The following CDAN1 variants were observed in gnomAD, a reference collection of about 807,000 sequenced individuals.
The protein encoded by CDAN1 is codanin 1.
In CDAN1, 107 loss-of-function variants were observed where a neutral mutation model predicts 139.8. The observed-to-expected ratio is 0.77, with a 90% CI of 0.65 to 0.90. CDAN1 has a LOEUF of 0.90. Among genes scored for constraint, CDAN1 ranks in the 40% least tolerant of loss-of-function variants. The pLI, the probability that CDAN1 is intolerant of heterozygous loss-of-function variation, is 0.00. For missense variants in CDAN1, 1,667 were observed against 1,575.7 expected (o/e 1.06, Z -0.98); for synonymous variants, 776 against 660.6 (o/e 1.17, Z -2.68).
intron 17 of CDAN1, 32 bp from the exon 18 acceptor site, chr15:42,729,394 A>G: frequency 6.2e-7 from 1 of 1,613,894 alleles, no homozygotes. Context: ...TCTCAGTTCC[A>G]GAACCCTCTC....
Position 42,724,595 on chromosome 15 carries a change from T to C in CDAN1, c.3580A>G (p.Thr1194Ala). The change falls in exon 28 of 28, where the codon ACA (threonine) becomes GCA (alanine). Residue 1194 changes from threonine (T) to alanine (A), a missense_variant. Transcript: ENST00000356231. The part of the protein sequence containing the change: ...WPGDFAEELA[T>A]LSNLFLAEPH... ...TCGGCTAGAAACAGATTAGACAGTGTTGCTAATTCTTCAGCAAAGTCCTGG... is the reference window on the plus strand; with the variant it reads ...TCGGCTAGAAACAGATTAGACAGTGCTGCTAATTCTTCAGCAAAGTCCTGG... The C allele has an allele frequency of 6.4e-7, 1 of 1,552,188 alleles. No individual in the cohort carries two copies. The highest frequency in any genetic ancestry group is 8.7e-7 in the Non-Finnish European group (1 of 1,147,098).
At position 42,736,196 on chromosome 15, in the gene CDAN1, C is replaced by T. The variant is rs1331012429; in HGVS notation, c.569+106G>A. The T allele has an allele frequency of 2.5e-6, 4 of 1,579,508 alleles. No individual in the cohort carries two copies. The Admixed American group carries it at 7.4e-5, about 29-fold the overall frequency. Reference sequence around the variant, plus strand: ...CCACAAAAACCCTCACCATCACCCCCAGCCTTCTACCCATCCTGGCGCTCC... The same window carrying T: ...CCACAAAAACCCTCACCATCACCCCTAGCCTTCTACCCATCCTGGCGCTCC... On this transcript the variant is annotated intron_variant, in intron 2 of 27. Transcript: ENST00000356231.
chr15:42,730,019 T>TCCTGAACCTTCGTCTTCCAGCCCTTG, intron 15 of CDAN1, 109 bp downstream of exon 15: 1 of 1,290,474 alleles, frequency 7.7e-7, no homozygotes, highest in Non-Finnish European at 1.1e-6. Flanking sequence ...CCCAGGCCTT[T>TCCTGAACCTTCGTCTTCCAGCCCTTG]CCTGAACCTT....
At position 42,726,434 on chromosome 15, in the gene CDAN1, G is replaced by T. The variant is rs756312314; in HGVS notation, c.3097-17C>A. Reference sequence around the variant, plus strand: ...GAGCACGTCCTGTGAAGAGCAGGGGGAGATATCACCTTGCGCTGGGGGCCA... The same window carrying T: ...GAGCACGTCCTGTGAAGAGCAGGGGTAGATATCACCTTGCGCTGGGGGCCA... On this transcript the variant is annotated splice_polypyrimidine_tract_variant and intron_variant, in intron 23 of 27. Transcript: ENST00000356231. 15 of 1,564,602 alleles carry T rather than the reference G, an allele frequency of 9.6e-6. No individual in the cohort carries two copies. The highest frequency in any genetic ancestry group is 1.2e-5 in the Non-Finnish European group (14 of 1,150,746).
chr15:42,732,466 T>A, intron 9 of CDAN1, 58 bp from the exon 10 acceptor site: 1 of 1,518,454 alleles, frequency 6.6e-7, no homozygotes, highest in Non-Finnish European at 9.1e-7. Context: ...GAGAAAGATC[T>A]GAGAGAAGCA....
Position 42,729,802 on chromosome 15 carries a change from A to G in CDAN1, c.2346T>C (p.His782=). 6.2e-7 allele frequency: 1 copy of G among 1,613,400 alleles called. No homozygotes were observed. The highest frequency in any genetic ancestry group is 8.5e-7 in the Non-Finnish European group (1 of 1,179,530). The part of the protein sequence containing the change: ...AFEVDTVAPE[H]GLDNAPVVDQ... ...GCGGAACCCCAGCACTCACCAAGCC[A>G]TGCTCTGGGGCTACTGTGTCCACCT... Residue 782 remains histidine, a synonymous_variant, in exon 16 of 28, where the codon CAT becomes CAC. Coordinates refer to ENST00000356231, the MANE Select transcript of CDAN1 (RefSeq NM_138477.4).
intron 9 of CDAN1, 59 bp from the exon 10 acceptor site, chr15:42,732,467 G>C: frequency 2.0e-6 from 3 of 1,508,876 alleles, no homozygotes; most frequent in Non-Finnish European, 1.8e-6. Flanking sequence ...AGAAAGATCT[G>C]AGAGAAGCAG....
chr15:42,729,071 A>ACGGTC lies in CDAN1; in HGVS notation c.2592_2596dup (p.Val866GlyfsTer3), dbSNP rs1296421769. 2 of 1,614,178 alleles carry ACGGTC rather than the reference A, an allele frequency of 1.2e-6. No individual in the cohort carries two copies. ...TCCAATTCTTTCTGCCACGAACTCT[A>ACGGTC]CGGTCCGGCGCAAGGAGGGCGGCTG... On this transcript the variant is annotated frameshift_variant, in exon 19 of 28. Transcript: ENST00000356231. LOFTEE classifies it high-confidence loss of function.
chr15:42,731,974 T>C (rs889196500), intron 10 of CDAN1, 149 bp from the exon 11 acceptor site: 5 of 791,902 alleles, frequency 6.3e-6, no homozygotes, highest in Non-Finnish European at 8.5e-6. Flanking sequence ...TGAATTACAG[T>C]ATTGTTTCAC....
chr15:42,728,737 C>T lies in CDAN1; in HGVS notation c.2719G>A (p.Glu907Lys), dbSNP rs1258195681. 3 of 1,614,230 alleles carry T rather than the reference C, an allele frequency of 1.9e-6. No individual in the cohort carries two copies. The Admixed American group carries it at 5.0e-5, about 27-fold the overall frequency. ...AACAGCTGGGCTGGGTCTCCCCCTT[C>T]CTCTCCCTGTGTCACCAGCTGCTCT... ...LQEQLVTQGE[E>K]GGDPAQLLEI... Residue 907 changes from glutamate to lysine, a missense_variant, in exon 20 of 28, where the codon GAA (glutamate) becomes AAA (lysine). Glu to Lys is a moderately conservative substitution (Grantham distance 56). Transcript: ENST00000356231.
chr15:42,726,462 A>C, intron 23 of CDAN1, 45 bp from the exon 24 acceptor site: 1 of 1,458,060 alleles, frequency 6.9e-7, no homozygotes, highest in Non-Finnish European at 9.4e-7. Context: ...GGGGGCCAGG[A>C]TGCCACAGAG....
At position 42,727,648 on chromosome 15, in the gene CDAN1, G is replaced by A; in HGVS notation, c.3069C>T (p.Leu1023=). Residue 1023 remains leucine (L), a synonymous_variant, in exon 23 of 28, where the codon CTC becomes CTT. Coordinates refer to ENST00000356231, the MANE Select transcript of CDAN1 (RefSeq NM_138477.4). ...TTATCTCGGAGATGAGGTGGGAGGG[G>A]AGGGGAGCATGGTGCTCACAGGCGC... ...CSRACEHHAP[L]PSHLISEIKD... is the part of the protein sequence containing the mutation. 6.3e-7 allele frequency: 1 copy of A among 1,584,244 alleles called. No individual in the cohort carries two copies. The highest frequency in any genetic ancestry group is 8.6e-7 in the Non-Finnish European group (1 of 1,162,466).
At position 42,733,921 on chromosome 15, in the gene CDAN1, G is replaced by C; in HGVS notation, c.1367+17C>G. On this transcript the variant is annotated intron_variant, in intron 8 of 27. Coordinates refer to ENST00000356231, the MANE Select transcript of CDAN1 (RefSeq NM_138477.4). ...TGTCATCTCATTCCCTCCCCAAAAA[G>C]TCCCTTTTCTTATCACCTCTGTTTC... 1.3e-6 allele frequency: 2 copies of C among 1,566,616 alleles called. No individual in the cohort carries two copies. Among genetic ancestry groups the C allele is most frequent in the Non-Finnish European group, 1.8e-6 (2 of 1,136,882 alleles).
chr15:42,734,533 G>A (rs1410571044), intron 6 of CDAN1, among the ~76,000 whole-genome samples, 187 bp from the exon 7 acceptor site: 2 of 152,194 alleles, frequency 1.3e-5, no homozygotes, highest in African/African-American at 2.4e-5. Context: ...ACTTTACAGA[G>A]CAAGGACCAA....
In CDAN1 at chr15:42,733,934, T is replaced by A. The variant is rs763956051; in HGVS notation, c.1367+4A>T. 23 of 1,603,608 alleles carry A rather than the reference T, an allele frequency of 1.4e-5. No homozygotes were observed. The highest frequency in any genetic ancestry group is 3.4e-6 in the Non-Finnish European group (4 of 1,170,536). On this transcript the variant is annotated splice_donor_region_variant and intron_variant, in intron 8 of 27. Transcript: ENST00000356231. ...CCTCCCCAAAAAGTCCCTTTTCTTATCACCTCTGTTTCTTAAAAGTATGAA... is the reference window on the plus strand; with the variant it reads ...CCTCCCCAAAAAGTCCCTTTTCTTAACACCTCTGTTTCTTAAAAGTATGAA...
In CDAN1 at chr15:42,731,038, T is replaced by TA; in HGVS notation, c.1893dup (p.Ser632Ter). 1 of 1,614,148 alleles carries TA rather than the reference T, an allele frequency of 6.2e-7. No individual in the cohort carries two copies. Among genetic ancestry groups the TA allele is most frequent in the Non-Finnish European group, 8.5e-7 (1 of 1,180,026 alleles). ...AGGAATTTAGCCAAAAGTCTCAGGCTAAGAAGCACCACAGCAAATTGCTTC... is the reference window on the plus strand; with the variant it reads ...AGGAATTTAGCCAAAAGTCTCAGGCTAAAGAAGCACCACAGCAAATTGCTTC... On this transcript the variant is annotated frameshift_variant, in exon 13 of 28. Coordinates refer to ENST00000356231, the MANE Select transcript of CDAN1 (RefSeq NM_138477.4). LOFTEE classifies it high-confidence loss of function.
Position 42,727,993 on chromosome 15 carries a change from G to C in CDAN1, c.2909C>G (p.Thr970Arg), listed in dbSNP as rs763282803. Residue 970 changes from threonine to arginine, a missense_variant, in exon 22 of 28, where the codon ACA becomes AGA. Coordinates refer to ENST00000356231, the MANE Select transcript of CDAN1 (RefSeq NM_138477.4). ...SAENIAVGLA[T>R]EKACAWLSAN... ...TGACAGCCAAGCACAGGCTTTCTCT[G>C]TTGCAAGCCCCACAGCAATGTTCTC... 6.2e-7 allele frequency: 1 copy of C among 1,614,172 alleles called. No individual in the cohort carries two copies. Among genetic ancestry groups the C allele is most frequent in the Admixed American group, 1.7e-5 (1 of 60,028 alleles).
chr15:42,730,600 G>A lies in CDAN1; in HGVS notation c.2172C>T (p.His724=), dbSNP rs1290878546. Residue 724 remains histidine (H), a splice_region_variant and synonymous_variant, in exon 14 of 28, where the codon CAC becomes CAT. Coordinates refer to ENST00000356231, the MANE Select transcript of CDAN1 (RefSeq NM_138477.4). Reference sequence around the variant, plus strand: ...AGCCTCAGCCTTGTTCCACTCACCGGTGCAGGCGCAGCAGGAGAGTGAAGA... The same window carrying A: ...AGCCTCAGCCTTGTTCCACTCACCGATGCAGGCGCAGCAGGAGAGTGAAGA... ...RDIFTLLLRL[H]RSLVLSQESE... 1 of 1,614,154 alleles carries A rather than the reference G, an allele frequency of 6.2e-7. No homozygotes were observed. The highest frequency in any genetic ancestry group is 1.1e-5 in the South Asian group (1 of 91,082).
At chr15:42,735,006 C>T (rs970935023) in intron 6 of CDAN1, 94 bp downstream of exon 6, 13 of 827,962 alleles carry the variant, frequency 1.6e-5, no homozygotes, top group East Asian at 1.6e-4. Context: ...AGGACCACTG[C>T]CCCTGTGTTA....
Sources: gnomAD v4.1 joint callset for allele counts (sites outside exome capture counted in the v4.1 genomes callset) on GRCh38, gnomAD v4.1.1 for gene constraint, MANE v1.5 for transcripts, NCBI Gene and HGNC (gene_info 2026-07-23, HGNC 2026-07-21) for gene names.